The following DPF3 variants were observed in gnomAD, a reference collection of about 807,000 sequenced individuals.
The protein encoded by DPF3 is double PHD fingers 3, also known as zinc finger protein DPF3.
DPF3 carries 18 observed loss-of-function variants against 56.8 expected under a neutral mutation model. The observed-to-expected ratio is 0.32, with a 90% CI of 0.22 to 0.47. The LOEUF (loss-of-function observed/expected upper bound fraction) is 0.47, where lower values mean the gene tolerates loss of function less well. DPF3 is among the 20% of genes least tolerant of loss of function. The pLI is 1.00. For synonymous variants in DPF3, 188 were observed against 180.2 expected (o/e 1.04, Z -0.35); for missense variants, 403 against 488.8 (o/e 0.82, Z 1.65).
intron 2 of DPF3, among the ~76,000 whole-genome samples, chr14:72,754,589 T>C (rs1890713714): frequency 6.6e-6 from 1 of 152,250 alleles, no homozygotes; most frequent in Non-Finnish European, 1.5e-5. Context: ...AAAGTGTCAC[T>C]GTGCACACCT....
At chr14:72,840,778 TC>T (rs1209556545) in intron 1 of DPF3, among the ~76,000 whole-genome samples, 3 of 152,200 alleles carry the variant, frequency 2.0e-5, no homozygotes, top group African/African-American at 7.2e-5. Flanking sequence ...AGCAATAAAT[TC>T]CTTGACAGTA....
In DPF3 at chr14:72,617,540, G is replaced by C. The variant is rs957197591; in HGVS notation, c.*1757C>G. The stretch of plus-strand genomic sequence containing the variant: ...ATCCGGTCGGGGGCCCTTTAAATGA[G>C]ACCATTATGTATGTGTGTGATTCCC... On this transcript the variant is annotated 3_prime_UTR_variant, in exon 11 of 11. Coordinates refer to ENST00000556509, the MANE Select transcript of DPF3 (RefSeq NM_001280542.3). Among the ~76,000 whole-genome samples, 6 of 152,122 alleles carry C rather than the reference G, an allele frequency of 3.9e-5. No homozygotes were observed. Among genetic ancestry groups the C allele is most frequent in the African/African-American group, 1.2e-4 (5 of 41,436 alleles).
intron 1 of DPF3, among the ~76,000 whole-genome samples, chr14:72,883,926 CAA>C (rs5809597): frequency 5.8e-5 from 7 of 121,684 alleles, no homozygotes; most frequent in African/African-American, 1.0e-4. Flanking sequence ...GACTCTGTCT[CAA>C]AAAAAAAAAA....
chr14:72,613,732 C>G lies in DPF3; in HGVS notation c.*5565G>C, dbSNP rs2526933. Among the ~76,000 whole-genome samples, 98,903 of 152,022 alleles carry G rather than the reference C, an allele frequency of 0.65. 33,366 individuals carry two copies. Among genetic ancestry groups the G allele is most frequent in the East Asian group, 0.99 (5,079 of 5,146 alleles). ...TGTTCCTTCTAGAAAACCCATGGTACGGAACTGGCAAGCCCGGACCCCTCC... is the reference window on the plus strand; with the variant it reads ...TGTTCCTTCTAGAAAACCCATGGTAGGGAACTGGCAAGCCCGGACCCCTCC... On this transcript the variant is annotated 3_prime_UTR_variant, in exon 11 of 11. Coordinates refer to ENST00000556509, the MANE Select transcript of DPF3 (RefSeq NM_001280542.3).
rs1445386158 is a variant in DPF3 at position 72,755,452 on chromosome 14, A to G, written c.194-2081T>C. 1.3e-5 allele frequency among the ~76,000 whole-genome samples: 2 copies of G among 152,328 alleles called. 1 individual carries two copies. Among genetic ancestry groups the G allele is most frequent in the Admixed American group, 1.3e-4 (2 of 15,304 alleles). ...CTCTGCTGGATTGGAGACACTCTGC[A>G]GTGCAAAGGAAGAGCACGTGAGTCC... On this transcript the variant is annotated intron_variant, in intron 2 of 10. Coordinates refer to ENST00000556509, the MANE Select transcript of DPF3 (RefSeq NM_001280542.3).
chr14:72,826,334 C>T (rs540865410), intron 1 of DPF3, among the ~76,000 whole-genome samples: 1 of 152,216 alleles, frequency 6.6e-6, no homozygotes, highest in South Asian at 2.1e-4. Flanking sequence ...TAAAGTTTAA[C>T]CAATTAATCC....
intron 8 of DPF3, among the ~76,000 whole-genome samples, chr14:72,643,037 C>T (rs1258724289): frequency 6.6e-6 from 1 of 152,182 alleles, no homozygotes; most frequent in Non-Finnish European, 1.5e-5. Flanking sequence ...GAAGTTGAGG[C>T]TCAGAATGGC....
intron 8 of DPF3, among the ~76,000 whole-genome samples, chr14:72,648,569 G>GAAAA (rs11348282): frequency 1.1e-5 from 1 of 92,906 alleles, no homozygotes; most frequent in East Asian, 3.5e-4. Flanking sequence ...TCTCAAAAAA[G>GAAAA]AAAAAAAAAA....
intron 6 of DPF3, among the ~76,000 whole-genome samples, chr14:72,709,673 G>A (rs1181784782): frequency 1.3e-5 from 2 of 152,130 alleles, no homozygotes; most frequent in African/African-American, 4.8e-5. Flanking sequence ...CGGTTCTAGA[G>A]TTGAGGACGC....
chr14:72,712,117 C>G (rs1215411313), intron 6 of DPF3, among the ~76,000 whole-genome samples: 1 of 151,976 alleles, frequency 6.6e-6, no homozygotes, highest in East Asian at 1.9e-4. Flanking sequence ...AGGCAGCACG[C>G]ATGCGGACAG....
chr14:72,800,620 A>G (rs1892845801), intron 1 of DPF3, among the ~76,000 whole-genome samples: 2 of 150,826 alleles, frequency 1.3e-5, no homozygotes, highest in East Asian at 3.9e-4. Flanking sequence ...ATGCATGCAC[A>G]GATGGATGCA....
intron 1 of DPF3, among the ~76,000 whole-genome samples, chr14:72,883,526 G>T (rs75008595): frequency 0.019 from 2,916 of 152,172 alleles, 40 homozygotes; most frequent in Non-Finnish European, 0.028. Context: ...AAAGAAAGTT[G>T]TAGCTTTGCA....
At chr14:72,881,154 G>A (rs1010746325) in intron 1 of DPF3, among the ~76,000 whole-genome samples, 2 of 152,222 alleles carry the variant, frequency 1.3e-5, no homozygotes, top group African/African-American at 4.8e-5. Flanking sequence ...ATGGAAGGCT[G>A]GGGTGAGCAG....
chr14:72,833,375 G>A (rs913898252), intron 1 of DPF3, among the ~76,000 whole-genome samples: 3 of 152,224 alleles, frequency 2.0e-5, no homozygotes, highest in Non-Finnish European at 2.9e-5. Flanking sequence ...GCAGAGGAAC[G>A]TGGTGAGTTT....
At chr14:72,818,428 C>T (rs1401940138) in intron 1 of DPF3, among the ~76,000 whole-genome samples, 1 of 152,086 alleles carries the variant, frequency 6.6e-6, no homozygotes, top group Non-Finnish European at 1.5e-5. Flanking sequence ...ACCTGTAATC[C>T]CAGCACACTG....
chr14:72,834,801 T>C (rs1884220687), intron 1 of DPF3, among the ~76,000 whole-genome samples: 1 of 152,156 alleles, frequency 6.6e-6, no homozygotes, highest in Non-Finnish European at 1.5e-5. Context: ...AAAGCAAATG[T>C]CCATCAACAG....
At chr14:72,731,747 T>A in intron 4 of DPF3, 60 bp downstream of exon 4, 1 of 1,601,770 alleles carries the variant, frequency 6.2e-7, no homozygotes, top group African/African-American at 1.3e-5. Context: ...GGTGCTGGAG[T>A]TCTGGAAGCG....
At chr14:72,706,579 CT>C (rs1888412145) in intron 6 of DPF3, among the ~76,000 whole-genome samples, 2 of 152,168 alleles carry the variant, frequency 1.3e-5, no homozygotes, top group South Asian at 2.1e-4. Context: ...AGCAAAATGA[CT>C]TTCTCGATGT....
intron 6 of DPF3, among the ~76,000 whole-genome samples, chr14:72,705,590 T>A (rs1409203817): frequency 6.6e-6 from 1 of 152,138 alleles, no homozygotes; most frequent in African/African-American, 2.4e-5. Context: ...CAGCCTGATG[T>A]TCCCAGCAAC....
Sources: gnomAD v4.1 joint callset for allele counts (sites outside exome capture counted in the v4.1 genomes callset) on GRCh38, gnomAD v4.1.1 for gene constraint, MANE v1.5 for transcripts, NCBI Gene and HGNC (gene_info 2026-07-23, HGNC 2026-07-21) for gene names.